The following TTC27 variants were observed in gnomAD, a reference collection of about 807,000 sequenced individuals.
TTC27 encodes tetratricopeptide repeat protein 27.
Under a neutral mutation model 115.9 loss-of-function variants are expected in TTC27, and 79 were observed. The ratio of observed to expected loss-of-function variants is 0.68; its 90% confidence interval spans 0.57 to 0.82. TTC27 has a LOEUF of 0.82. TTC27 is among the 40% of genes least tolerant of loss of function. The probability of loss-of-function intolerance (pLI) is 0.00; values close to 1 mark genes in which losing one functional copy is unlikely to be tolerated. For missense variants in TTC27, 1,054 were observed against 993.1 expected, an observed-to-expected ratio of 1.06 and a Z score of -0.82; for synonymous variants, 401 against 356.0, an observed-to-expected ratio of 1.13 and a Z score of -1.42.
intron 10 of TTC27, among the ~76,000 whole-genome samples, chr2:32,718,153 A>G (rs144862049): frequency 2.0e-5 from 3 of 152,312 alleles, no homozygotes; most frequent in Non-Finnish European, 2.9e-5. Flanking sequence ...CAATTTAATT[A>G]TACTTTAATT....
intron 13 of TTC27, among the ~76,000 whole-genome samples, chr2:32,764,804 C>G (rs898301961): frequency 1.3e-5 from 2 of 152,222 alleles, no homozygotes. Context: ...AACATCTTCA[C>G]GAGGAACAAA....
chr2:32,803,181 G>C (rs976914464), intron 16 of TTC27, among the ~76,000 whole-genome samples: 1 of 152,190 alleles, frequency 6.6e-6, no homozygotes, highest in African/African-American at 2.4e-5. Flanking sequence ...ACCTTCACTA[G>C]ACATTGCTCT....
At chr2:32,718,901 C>CTGTTGCT (rs1431757638) in intron 10 of TTC27, among the ~76,000 whole-genome samples, 1 of 152,224 alleles carries the variant, frequency 6.6e-6, no homozygotes, top group Non-Finnish European at 1.5e-5. Context: ...CTCACACCTC[C>CTGTTGCT]TGTTGCTTCA....
intron 10 of TTC27, chr2:32,705,045 A>T (rs1292802496): frequency 4.9e-6 from 2 of 409,516 alleles, no homozygotes; most frequent in African/African-American, 4.1e-5. Flanking sequence ...TTGAAATGTG[A>T]TTCCCATTGT....
In TTC27 at chr2:32,628,137, G is replaced by C; in HGVS notation, c.-156G>C. Reference sequence around the variant, plus strand: ...CTGTTATGGCCGCCTCCTTGAGGTAGTATCCGCACATGGAATTCTAGGGCC... The same window carrying C: ...CTGTTATGGCCGCCTCCTTGAGGTACTATCCGCACATGGAATTCTAGGGCC... On this transcript the variant is annotated 5_prime_UTR_variant, in exon 1 of 20. The change abolishes the stop of an existing upstream ORF in the 5' untranslated region. Transcript: ENST00000317907. 1.5e-6 allele frequency: 1 copy of C among 676,750 alleles called. No individual in the cohort carries two copies. Among genetic ancestry groups the C allele is most frequent in the South Asian group, 1.8e-5 (1 of 54,952 alleles). The allele number at this position is 676,750 out of a possible 1,614,324, so 41.9% of individuals were successfully genotyped here. A position where few individuals can be genotyped will look rare whatever the true frequency, so the allele number is the denominator to read the frequency against.
At chr2:32,731,766 C>G (rs887246458) in intron 10 of TTC27, among the ~76,000 whole-genome samples, 3 of 152,142 alleles carry the variant, frequency 2.0e-5, no homozygotes, top group Non-Finnish European at 2.9e-5. Context: ...GTTCTCTGCA[C>G]TGTCTTTAGT....
At position 32,811,171 on chromosome 2, in the gene TTC27, G is replaced by A; in HGVS notation, c.2146G>A (p.Ala716Thr). The change falls in exon 17 of 20, where the codon GCC becomes ACC. Residue 716 changes from alanine to threonine, a missense_variant. By Grantham distance (58) the Ala-to-Thr change is moderately conservative. Transcript: ENST00000317907. ...TGATGGAGAAATCTGGAGGCTGTAT[G>A]CCCACGTATATGGAAATGGGCAGAG... ...TNDGEIWRLY[A>T]HVYGNGQSEK... is the part of the protein sequence containing the mutation. 1 of 1,614,192 alleles carries A rather than the reference G, an allele frequency of 6.2e-7. No homozygotes were observed. Among genetic ancestry groups the A allele is most frequent in the Non-Finnish European group, 8.5e-7 (1 of 1,180,024 alleles).
At chr2:32,776,949 T>C (rs547597788) in intron 13 of TTC27, among the ~76,000 whole-genome samples, 2 of 152,134 alleles carry the variant, frequency 1.3e-5, no homozygotes, top group Non-Finnish European at 2.9e-5. Flanking sequence ...ACAGAGGCTA[T>C]TGAATTTTAA....
intron 13 of TTC27, among the ~76,000 whole-genome samples, chr2:32,764,533 G>T (rs930112558): frequency 3.9e-5 from 6 of 152,206 alleles, no homozygotes; most frequent in Non-Finnish European, 5.9e-5. Flanking sequence ...GTTAATGGTT[G>T]CTGACTGATC....
intron 10 of TTC27, among the ~76,000 whole-genome samples, chr2:32,723,535 T>C (rs1667993624): frequency 6.6e-6 from 1 of 152,122 alleles, no homozygotes; most frequent in African/African-American, 2.4e-5. Context: ...TACAGTGCTA[T>C]GATTTAACGG....
chr2:32,800,841 A>G (rs1282120706), intron 16 of TTC27, among the ~76,000 whole-genome samples: 1 of 152,196 alleles, frequency 6.6e-6, no homozygotes, highest in Non-Finnish European at 1.5e-5. Flanking sequence ...CATCATTGTC[A>G]TCATTGAAAA....
intron 9 of TTC27, 35 bp from the exon 10 acceptor site, chr2:32,702,772 C>CT: frequency 1.4e-6 from 2 of 1,434,214 alleles, no homozygotes; most frequent in African/African-American, 2.8e-5. Flanking sequence ...TAGCTTATCT[C>CT]TTTTCTATGA....
At chr2:32,734,015 T>A in intron 11 of TTC27, 92 bp downstream of exon 11, 1 of 834,992 alleles carries the variant, frequency 1.2e-6, no homozygotes, top group Non-Finnish European at 1.8e-6. Flanking sequence ...TATGTTTGAA[T>A]TTTCAAATAT....
intron 16 of TTC27, among the ~76,000 whole-genome samples, chr2:32,802,118 GA>G (rs11406621): frequency 5.5e-5 from 8 of 146,224 alleles, no homozygotes; most frequent in African/African-American, 1.3e-4. Context: ...GAACCCCAAG[GA>G]AAAAAAAAAC....
intron 12 of TTC27, among the ~76,000 whole-genome samples, chr2:32,753,429 C>CTTTTTTTTT (rs776515945): frequency 4.5e-4 from 33 of 72,880 alleles, no homozygotes; most frequent in Non-Finnish European, 5.7e-4. Context: ...AATCAAATGC[C>CTTTTTTTTT]TTTTTTTTTT....
chr2:32,812,474 T>C (rs1231190173), intron 17 of TTC27, 30 bp from the exon 18 acceptor site: 44 of 1,481,866 alleles, frequency 3.0e-5, no homozygotes, highest in Non-Finnish European at 4.0e-5. Context: ...CTACTTGTTA[T>C]TCTGAATGTT....
Position 32,730,296 on chromosome 2 carries a change from C to T in TTC27, c.1234-3532C>T, listed in dbSNP as rs114094479. On this transcript the variant is annotated intron_variant, in intron 10 of 19. Transcript: ENST00000317907. The stretch of plus-strand genomic sequence containing the variant: ...GACCATTGAAAACACAAGTATTGTT[C>T]AAAAAATCATCTCATAGAAAAATGC... Among the ~76,000 whole-genome samples the T allele has an allele frequency of 7.3e-3, 1,118 of 152,202 alleles. 20 individuals are homozygous for T. Among genetic ancestry groups the T allele is most frequent in the African/African-American group, 0.025 (1,051 of 41,516 alleles).
rs1180848372 is a variant in TTC27 at position 32,646,286 on chromosome 2, C to T, written c.538-3845C>T. Among the ~76,000 whole-genome samples, 4 of 152,048 alleles carry T rather than the reference C, an allele frequency of 2.6e-5. No individual in the cohort carries two copies. The East Asian group carries it at 7.8e-4, about 30-fold the overall frequency. On this transcript the variant is annotated intron_variant, in intron 4 of 19. Coordinates refer to ENST00000317907, the MANE Select transcript of TTC27 (RefSeq NM_017735.5). ...CTCGTGATCCACCTGCCTTGGCCTC[C>T]CACAGTGCTGGGATTACAGGTGTGA...
chr2:32,690,689 T>C (rs1331557071), intron 9 of TTC27, among the ~76,000 whole-genome samples: 2 of 152,194 alleles, frequency 1.3e-5, no homozygotes. Flanking sequence ...TAGGGAAAAG[T>C]AGATTTGAAA....
Sources: allele counts gnomAD v4.1 joint callset (sites outside exome capture counted in the v4.1 genomes callset), GRCh38; gene constraint gnomAD v4.1.1; transcripts MANE v1.5; gene names NCBI Gene and HGNC (gene_info 2026-07-23, HGNC 2026-07-21).